The following CSGALNACT2 variants were observed in gnomAD, a reference collection of about 807,000 sequenced individuals.
CSGALNACT2 encodes beta 4 GalNAcT-2.
CSGALNACT2 carries 35 observed loss-of-function variants against 55.3 expected under a neutral mutation model. The observed-to-expected ratio is 0.63, with a 90% CI of 0.48 to 0.84. The LOEUF (loss-of-function observed/expected upper bound fraction) is 0.84. CSGALNACT2 is among the 40% of genes least tolerant of loss of function. CSGALNACT2 has a pLI of 0.00. For missense variants in CSGALNACT2, 544 were observed against 657.5 expected, an observed-to-expected ratio of 0.83 and a Z score of 1.89; for synonymous variants, 196 against 224.9, an observed-to-expected ratio of 0.87 and a Z score of 1.15.
chr10:43,148,903 A>G (rs1838817013), intron 1 of CSGALNACT2, among the ~76,000 whole-genome samples: 1 of 152,006 alleles, frequency 6.6e-6, no homozygotes, highest in Non-Finnish European at 1.5e-5. Context: ...CTTGGCTACA[A>G]CCTCCTCTAG....
chr10:43,145,062 G>C (rs539580795), intron 1 of CSGALNACT2, among the ~76,000 whole-genome samples: 12 of 152,122 alleles, frequency 7.9e-5, no homozygotes, highest in African/African-American at 2.4e-4. Flanking sequence ...GGTGGACCCT[G>C]GGTTGTTTCT....
At chr10:43,171,463 C>T (rs1422467561) in intron 6 of CSGALNACT2, among the ~76,000 whole-genome samples, 5 of 151,926 alleles carry the variant, frequency 3.3e-5, no homozygotes, top group Admixed American at 3.3e-4. Context: ...AGCGATTCTC[C>T]TGCCTCAGCC....
At chr10:43,164,096 G>T (rs1839209963) in intron 5 of CSGALNACT2, 52 bp downstream of exon 5, 1 of 1,463,198 alleles carries the variant, frequency 6.8e-7, no homozygotes, top group Non-Finnish European at 9.4e-7. Flanking sequence ...AACGTTGTCA[G>T]CATGTCCTAT....
chr10:43,157,600 G>T (rs1446423856), intron 2 of CSGALNACT2, among the ~76,000 whole-genome samples: 1 of 152,078 alleles, frequency 6.6e-6, no homozygotes, highest in Non-Finnish European at 1.5e-5. Flanking sequence ...CCTGGTTTGT[G>T]CTTCCTACTA....
chr10:43,181,975 C>G (rs1375895962), intron 7 of CSGALNACT2, among the ~76,000 whole-genome samples: 1 of 137,070 alleles, frequency 7.3e-6, no homozygotes, highest in Non-Finnish European at 1.5e-5. Context: ...ATGAAATCTT[C>G]ACAATTTATG....
intron 1 of CSGALNACT2, among the ~76,000 whole-genome samples, chr10:43,141,563 C>T (rs1414228257): frequency 2.1e-5 from 2 of 93,070 alleles, no homozygotes; most frequent in African/African-American, 9.0e-5. Context: ...CCTGTCGTCC[C>T]AGCTGTTCAG....
chr10:43,171,863 T>C (rs1839388777), intron 6 of CSGALNACT2, among the ~76,000 whole-genome samples: 1 of 152,234 alleles, frequency 6.6e-6, no homozygotes, highest in South Asian at 2.1e-4. Flanking sequence ...TTTAAAGCTA[T>C]ATTAGAAGTA....
intron 7 of CSGALNACT2, 101 bp downstream of exon 7, chr10:43,176,133 G>T (rs1004535934): frequency 1.1e-6 from 1 of 885,868 alleles, no homozygotes; most frequent in Admixed American, 2.6e-5. Context: ...ACTAAAGTAT[G>T]AGTGTCTAAG....
chr10:43,182,964 T>A (rs942921376), intron 7 of CSGALNACT2, among the ~76,000 whole-genome samples: 17 of 152,194 alleles, frequency 1.1e-4, no homozygotes, highest in African/African-American at 3.9e-4. Flanking sequence ...TTTATTTGAC[T>A]TTTTGTAGAT....
rs976134311 is a variant in CSGALNACT2 at position 43,176,011 on chromosome 10, C to T, written c.1315C>T (p.Arg439Cys). The change falls in exon 7 of 8, where the codon CGT (arginine) becomes TGT (cysteine). Residue 439 changes from arginine to cysteine, a missense_variant. Arg to Cys is a radical substitution (Grantham distance 180, BLOSUM62 -3). Coordinates refer to ENST00000374466, the MANE Select transcript of CSGALNACT2 (RefSeq NM_018590.5). Reference protein sequence around the residue: ...DFGFGMTCQYRSDFLTIGGFD... With the variant: ...DFGFGMTCQYCSDFLTIGGFD... ...TGGCTTTGGAATGACTTGTCAGTAT[C>T]GTTCAGATTTCCTGACCATTGGTAA... 10 of 1,608,346 alleles carry T rather than the reference C, an allele frequency of 6.2e-6. No individual in the cohort carries two copies. The African/African-American group carries it at 9.4e-5, about 15-fold the overall frequency.
chr10:43,151,221 A>G (rs1287657146), intron 1 of CSGALNACT2, among the ~76,000 whole-genome samples: 1 of 151,938 alleles, frequency 6.6e-6, no homozygotes, highest in African/African-American at 2.4e-5. Context: ...ATATTTTTTT[A>G]TACCTGGTAA....
chr10:43,163,525 T>C, intron 4 of CSGALNACT2: 1 of 985,464 alleles, frequency 1.0e-6, no homozygotes, highest in Non-Finnish European at 1.2e-6. Context: ...TTGTGTGTGT[T>C]ATCCATTTAG....
rs923621632 is a variant in CSGALNACT2 at position 43,160,667 on chromosome 10, G to A, written c.980+72G>A. The A allele has an allele frequency of 8.0e-6, 6 of 751,702 alleles. No homozygotes were observed. In the Admixed American group the frequency reaches 1.4e-4, roughly 17 times the overall value. The allele number at this position is 751,702 out of a possible 1,614,324, so 46.6% of individuals were successfully genotyped here. On this transcript the variant is annotated intron_variant, in intron 4 of 7. Transcript: ENST00000374466. ...TAAAAGAGAATTTCAGATATGTAAT[G>A]AGTTAATAATTTTTAGTAACTATTA... is the stretch of plus-strand genomic sequence containing the variant.
At chr10:43,146,977 TTTTTTTTTTTTTGTG>T (rs1381062521) in intron 1 of CSGALNACT2, among the ~76,000 whole-genome samples, 50 of 168 alleles carry the variant, frequency 0.3, 1 homozygote, top group Non-Finnish European at 0.4. Flanking sequence ...TTTTTTTTTT[TTTTTTTTTTTTTGTG>T]GAGACGGGAG....
rs568095423 is a variant in CSGALNACT2, at chr10:43,167,425, C to T, written c.1254+327C>T. 2.0e-5 allele frequency among the ~76,000 whole-genome samples: 3 copies of T among 152,164 alleles called. No homozygotes were observed. In the South Asian group the frequency reaches 6.2e-4, roughly 32 times the overall value. On this transcript the variant is annotated intron_variant, in intron 6 of 7. Coordinates refer to ENST00000374466, the MANE Select transcript of CSGALNACT2 (RefSeq NM_018590.5). ...TACTAAAAATTTGATTTTAAAAACCCTACTAACTAGAAATTAAATCTACTC... is the reference window on the plus strand; with the variant it reads ...TACTAAAAATTTGATTTTAAAAACCTTACTAACTAGAAATTAAATCTACTC...
intron 5 of CSGALNACT2, among the ~76,000 whole-genome samples, chr10:43,165,283 A>G (rs144328613): frequency 6.6e-4 from 101 of 152,290 alleles, no homozygotes; most frequent in African/African-American, 2.3e-3. Flanking sequence ...AATCTGTTAT[A>G]CAAACATGGT....
At chr10:43,170,607 T>C (rs1056663295) in intron 6 of CSGALNACT2, among the ~76,000 whole-genome samples, 2 of 152,194 alleles carry the variant, frequency 1.3e-5, no homozygotes, top group African/African-American at 4.8e-5. Flanking sequence ...ATTGAGTGAC[T>C]AGACTAGATA....
chr10:43,163,712 C>A (rs1839199991), intron 4 of CSGALNACT2, 154 bp from the exon 5 acceptor site: 2 of 984,954 alleles, frequency 2.0e-6, no homozygotes, highest in South Asian at 9.4e-5. Context: ...GATAATCATA[C>A]ACATGAAGCT....
chr10:43,181,721 T>A (rs1000969538), intron 7 of CSGALNACT2, among the ~76,000 whole-genome samples: 1 of 150,034 alleles, frequency 6.7e-6, no homozygotes, highest in African/African-American at 2.5e-5. Context: ...GAGGCTGCAG[T>A]GAGCTATGAT....
Sources: allele counts gnomAD v4.1 joint callset (sites outside exome capture counted in the v4.1 genomes callset), GRCh38; gene constraint gnomAD v4.1.1; transcripts MANE v1.5; gene names NCBI Gene and HGNC (gene_info 2026-07-23, HGNC 2026-07-21).